COBL: variants seen among roughly 807,000 people sequenced by gnomAD.
COBL encodes cordon-bleu WH2 repeat protein, also known as protein cordon-bleu.
A neutral mutation model predicts 98.8 loss-of-function variants in COBL; 51 were observed. The ratio of observed to expected loss-of-function variants is 0.52; its 90% CI spans 0.41 to 0.65. The LOEUF (loss-of-function observed/expected upper bound fraction) is 0.65. Among genes scored for constraint, COBL ranks in the 30% least tolerant of loss-of-function variants. The probability of loss-of-function intolerance (pLI) is 0.00; values close to 1 mark genes in which losing one functional copy is unlikely to be tolerated. For synonymous variants in COBL, 634 were observed against 651.7 expected, an observed-to-expected ratio of 0.97 and a Z score of 0.41; for missense variants, 1,617 against 1,617.5, an observed-to-expected ratio of 1.00 and a Z score of 0.01.
intron 6 of COBL, among the ~76,000 whole-genome samples, chr7:51,129,102 A>G (rs1181952133): frequency 6.6e-6 from 1 of 152,198 alleles, no homozygotes; most frequent in East Asian, 1.9e-4. Context: ...ATTTGCGCAC[A>G]TTTTGAAATC....
At chr7:51,100,133 G>A (rs1437597892) in intron 6 of COBL, among the ~76,000 whole-genome samples, 1 of 152,162 alleles carries the variant, frequency 6.6e-6, no homozygotes, top group Admixed American at 6.5e-5. Flanking sequence ...TCTTCCTTCA[G>A]AGTTGACATC....
intron 6 of COBL, among the ~76,000 whole-genome samples, chr7:51,089,203 G>C (rs1473230636): frequency 6.6e-6 from 1 of 151,956 alleles, no homozygotes; most frequent in Non-Finnish European, 1.5e-5. Context: ...TGCTTTACTA[G>C]GTATTTATCA....
At chr7:51,234,325 A>C (rs1203711075) in intron 1 of COBL, among the ~76,000 whole-genome samples, 1 of 152,144 alleles carries the variant, frequency 6.6e-6, no homozygotes, top group African/African-American at 2.4e-5. Flanking sequence ...ACCTGCGGCC[A>C]CCCACCCTCA....
At chr7:51,055,980 T>C (rs1790711849) in intron 7 of COBL, among the ~76,000 whole-genome samples, 1 of 152,172 alleles carries the variant, frequency 6.6e-6, no homozygotes, top group African/African-American at 2.4e-5. Context: ...CCATTTCCCA[T>C]CTCAGTGCTC....
chr7:51,098,614 G>A (rs1795525649), intron 6 of COBL, among the ~76,000 whole-genome samples: 1 of 152,012 alleles, frequency 6.6e-6, no homozygotes, highest in East Asian at 1.9e-4. Context: ...AAATTAAAAT[G>A]GATTAAACAT....
Position 51,103,194 on chromosome 7 carries a change from GT to G in COBL, c.958-17891del, listed in dbSNP as rs575350471. ...ACACAGAGTATCAATGACCATGCTT[GT>G]TTTTTTATCAAAGTGTAAGTGTTCT... On this transcript the variant is annotated intron_variant, in intron 6 of 12. Coordinates refer to ENST00000265136, the MANE Select transcript of COBL (RefSeq NM_015198.5). Among the ~76,000 whole-genome samples, 5 of 152,036 alleles carry G rather than the reference GT, an allele frequency of 3.3e-5. No homozygotes were observed. The South Asian group carries it at 6.2e-4, about 19-fold the overall frequency.
chr7:51,179,137 CT>C (rs1788688125), intron 5 of COBL, among the ~76,000 whole-genome samples: 1 of 152,134 alleles, frequency 6.6e-6, no homozygotes, highest in Non-Finnish European at 1.5e-5. Context: ...AACAGGGACC[CT>C]GGAACTCCAA....
intron 1 of COBL, among the ~76,000 whole-genome samples, chr7:51,253,699 A>G (rs1260419707): frequency 6.6e-6 from 1 of 152,234 alleles, no homozygotes; most frequent in Non-Finnish European, 1.5e-5. Context: ...ATAATTTAAG[A>G]ATTACAACAC....
intron 1 of COBL, among the ~76,000 whole-genome samples, chr7:51,241,610 G>T (rs1795803269): frequency 6.6e-6 from 1 of 152,222 alleles, no homozygotes; most frequent in Admixed American, 6.5e-5. Context: ...ACTGTCATTG[G>T]AAGAGCAGTT....
chr7:51,122,280 G>C (rs147401285), intron 6 of COBL, among the ~76,000 whole-genome samples: 3 of 152,276 alleles, frequency 2.0e-5, no homozygotes, highest in African/African-American at 7.2e-5. Flanking sequence ...TTAGCTGCCC[G>C]GCTATTTCCA....
chr7:51,239,481 T>C (rs1226162400), intron 1 of COBL, among the ~76,000 whole-genome samples: 1 of 152,214 alleles, frequency 6.6e-6, no homozygotes, highest in Non-Finnish European at 1.5e-5. Flanking sequence ...GGAAAACTTA[T>C]TAATAATCCA....
At chr7:51,280,455 T>C (rs1305388625) in intron 1 of COBL, among the ~76,000 whole-genome samples, 2 of 152,182 alleles carry the variant, frequency 1.3e-5, no homozygotes, top group Non-Finnish European at 1.5e-5. Context: ...AAAACTCTTC[T>C]CTCGGATCAG....
intron 6 of COBL, among the ~76,000 whole-genome samples, chr7:51,086,493 C>G (rs950152299): frequency 6.6e-6 from 1 of 151,754 alleles, no homozygotes; most frequent in Admixed American, 6.6e-5. Flanking sequence ...AAGGGCTCAT[C>G]ATAGGAATGG....
At position 51,169,364 on chromosome 7, in the gene COBL, T is replaced by C. The variant is rs567491960; in HGVS notation, c.783+14738A>G. 5.3e-5 allele frequency among the ~76,000 whole-genome samples: 8 copies of C among 152,298 alleles called. No individual in the cohort carries two copies. The East Asian group carries it at 1.5e-3, about 29-fold the overall frequency. ...CCCCAAAATGTATAAAAGCAAGCTG[T>C]ACCCCAACCCCCTCAGGCACATGTC... On this transcript the variant is annotated intron_variant, in intron 5 of 12. Coordinates refer to ENST00000265136, the MANE Select transcript of COBL (RefSeq NM_015198.5).
At chr7:51,259,961 T>G in intron 1 of COBL, 1 of 753,880 alleles carries the variant, frequency 1.3e-6, no homozygotes, top group Non-Finnish European at 2.4e-6. Flanking sequence ...TCTAGTCATC[T>G]GAGATGCATC....
intron 1 of COBL, among the ~76,000 whole-genome samples, chr7:51,261,490 T>C (rs1320841385): frequency 6.6e-6 from 1 of 152,204 alleles, no homozygotes; most frequent in Admixed American, 6.5e-5. Context: ...AGTCAAAAGC[T>C]ACTGCGAAAC....
intron 2 of COBL, among the ~76,000 whole-genome samples, chr7:51,214,309 AAATAAAT>A (rs1478019771): frequency 2.0e-5 from 3 of 148,982 alleles, no homozygotes; most frequent in African/African-American, 7.7e-5. Context: ...ATAAATAAAT[AAATAAAT>A]AAAGACAATG....
At chr7:51,021,567 A>C (rs1046760845) in intron 12 of COBL, among the ~76,000 whole-genome samples, 3 of 152,152 alleles carry the variant, frequency 2.0e-5, no homozygotes, top group Non-Finnish European at 2.9e-5. Context: ...GCCTCAAGCA[A>C]TCCTCTTGCC....
intron 9 of COBL, among the ~76,000 whole-genome samples, chr7:51,030,331 T>G (rs1395062244): frequency 1.3e-5 from 2 of 152,268 alleles, no homozygotes; most frequent in African/African-American, 4.8e-5. Context: ...ATTTGCCATC[T>G]GCTTTGGCCT....
Sources: allele counts gnomAD v4.1 joint callset (sites outside exome capture counted in the v4.1 genomes callset), GRCh38; gene constraint gnomAD v4.1.1; transcripts MANE v1.5; gene names NCBI Gene and HGNC (gene_info 2026-07-23, HGNC 2026-07-21).